COL4A4: variants seen among roughly 807,000 people sequenced by gnomAD.
COL4A4 encodes collagen alpha-4(IV) chain.
COL4A4 carries 105 observed loss-of-function variants against 192.9 expected under a neutral mutation model. The observed-to-expected ratio is 0.54, with a 90% CI of 0.46 to 0.64. The LOEUF (loss-of-function observed/expected upper bound fraction) is 0.64, where lower values mean the gene tolerates loss of function less well. Ranked by LOEUF, COL4A4 falls within the 30% of genes least tolerant of loss-of-function variation. The probability of loss-of-function intolerance (pLI) is 0.00; values close to 1 mark genes in which losing one functional copy is unlikely to be tolerated. For synonymous variants in COL4A4, 762 were observed against 769.9 expected, an observed-to-expected ratio of 0.99 and a Z score of 0.17; for missense variants, 1,967 against 2,169.3, an observed-to-expected ratio of 0.91 and a Z score of 1.85.
chr2:227,008,372 C>T (rs1428539988), intron 46 of COL4A4, 68 bp from the exon 47 acceptor site: 12 of 1,544,526 alleles, frequency 7.8e-6, no homozygotes, highest in Non-Finnish European at 7.1e-6. Context: ...ACCCTTCCTT[C>T]CTCCATCTGG....
Position 227,119,093 on chromosome 2 carries a change from G to A in COL4A4, c.373-332C>T, listed in dbSNP as rs79998223. On this transcript the variant is annotated intron_variant, in intron 6 of 47. Transcript: ENST00000396625. ...CCATTCCATTTTCATATGAGAAATG[G>A]GAGTATTAAGCTCACTACAAATATT... is the stretch of plus-strand genomic sequence containing the variant. Among the ~76,000 whole-genome samples the A allele has an allele frequency of 0.035, 5,269 of 151,090 alleles. 291 individuals are homozygous for A. Among genetic ancestry groups the A allele is most frequent in the African/African-American group, 0.12 (4,912 of 41,240 alleles).
chr2:227,101,895 G>C lies in COL4A4; in HGVS notation c.945C>G (p.Ser315=). ...ATCCTGGAAAACCTGGAGATCCATA[G>C]GAACCAGGATCCCCCTAATAAATTC... is the stretch of plus-strand genomic sequence containing the variant. The part of the protein sequence containing the change: ...GFPGPRGDPG[S]YGSPGFPGLK... Residue 315 remains serine, a synonymous_variant, in exon 16 of 48, where the codon TCC becomes TCG. Transcript: ENST00000396625. 1 of 1,597,482 alleles carries C rather than the reference G, an allele frequency of 6.3e-7. No homozygotes were observed. The highest frequency in any genetic ancestry group is 2.2e-5 in the East Asian group (1 of 44,688).
chr2:227,098,535 G>A (rs1165096395), intron 19 of COL4A4, among the ~76,000 whole-genome samples, 159 bp downstream of exon 19: 1 of 152,188 alleles, frequency 6.6e-6, no homozygotes, highest in Non-Finnish European at 1.5e-5. Context: ...CATCTCCCAA[G>A]AGTCTAACAT....
intron 29 of COL4A4, among the ~76,000 whole-genome samples, chr2:227,056,727 G>A (rs1975452341): frequency 6.6e-6 from 1 of 152,180 alleles, no homozygotes; most frequent in South Asian, 2.1e-4. Context: ...AGTATTAAAA[G>A]GTGAACACTT....
chr2:227,041,852 A>G (rs796299746), intron 37 of COL4A4, among the ~76,000 whole-genome samples: 1,060 of 70,966 alleles, frequency 0.015, 12 homozygotes, highest in African/African-American at 0.027. Flanking sequence ...AAGAAAGAGA[A>G]AGAAAGAAAG....
downstream of COL4A4, among the ~76,000 whole-genome samples, chr2:227,001,601 G>A (rs1960974442): frequency 6.6e-6 from 1 of 152,136 alleles, no homozygotes; most frequent in African/African-American, 2.4e-5. Context: ...AGGTAATGGA[G>A]TAAAGGATAA....
the COL4A4 span, among the ~76,000 whole-genome samples, chr2:226,975,639 A>G: frequency 2.6e-5 from 4 of 152,188 alleles, no homozygotes; most frequent in South Asian, 2.1e-4. Context: ...CTATTGTCCA[A>G]TGCAGGGAAA....
At chr2:226,982,363 T>A in the COL4A4 span, among the ~76,000 whole-genome samples, 3 of 152,240 alleles carry the variant, frequency 2.0e-5, no homozygotes, top group Non-Finnish European at 4.4e-5. Flanking sequence ...AGGGACAATA[T>A]CCTAGGTCAG....
the COL4A4 span, chr2:226,995,809 C>A: frequency 2.4e-6 from 1 of 412,140 alleles, no homozygotes; most frequent in Non-Finnish European, 4.3e-6. Context: ...TCAGCGATGC[C>A]TCTGCCTCGG....
intron 37 of COL4A4, among the ~76,000 whole-genome samples, chr2:227,040,280 C>T (rs950427325): frequency 6.6e-6 from 1 of 152,106 alleles, no homozygotes; most frequent in Non-Finnish European, 1.5e-5. Flanking sequence ...ATAGAGGAAA[C>T]CTGGTTACAA....
chr2:227,072,654 C>T (rs1174920741), intron 25 of COL4A4, among the ~76,000 whole-genome samples: 1 of 151,750 alleles, frequency 6.6e-6, no homozygotes, highest in Non-Finnish European at 1.5e-5. Flanking sequence ...CAAAAATCCT[C>T]AACAAAATAC....
chr2:227,001,193 G>C (rs929890801), downstream of COL4A4, among the ~76,000 whole-genome samples: 2 of 151,534 alleles, frequency 1.3e-5, no homozygotes, highest in Non-Finnish European at 2.9e-5. Flanking sequence ...CTCCCAGGTT[G>C]ATGCCATTCT....
In COL4A4 at chr2:227,118,653, C is replaced by G. The variant is rs755961411; in HGVS notation, c.481G>C (p.Gly161Arg). The change falls in exon 7 of 48, where the codon GGC becomes CGC. Residue 161 changes from glycine (G) to arginine (R), a missense_variant. Physicochemically the swap from Gly to Arg is moderately radical, Grantham distance 125 (BLOSUM62 -2). Transcript: ENST00000396625. ...PGGRGALGPG[G>R]PLGHPGEKGE... is the part of the protein sequence containing the mutation. ...AACTGTGGGTATCTTACTAGGGGGC[C>G]TCCTGGGCCAAGAGCTCCTCTTCCT... is the stretch of plus-strand genomic sequence containing the variant. The G allele has an allele frequency of 3.2e-5, 51 of 1,612,940 alleles. No individual in the cohort carries two copies. Among genetic ancestry groups the G allele is most frequent in the Non-Finnish European group, 3.7e-5 (44 of 1,179,118 alleles).
In COL4A4 at chr2:227,059,757, A is replaced by G. The variant is rs936218962; in HGVS notation, c.2165-134T>C. ...TTACTAAAATTAAGAGCAGTTTAAC[A>G]GTAATGTTGTTTTGCCACCTTTTGT... is the stretch of plus-strand genomic sequence containing the variant. On this transcript the variant is annotated intron_variant, in intron 27 of 47. Coordinates refer to ENST00000396625, the MANE Select transcript of COL4A4 (RefSeq NM_000092.5). The G allele has an allele frequency of 1.6e-5, 12 of 753,280 alleles. No individual in the cohort carries two copies. The Admixed American group carries it at 2.9e-4, about 18-fold the overall frequency. The allele number at this position is 753,280 out of a possible 1,614,324, so 46.7% of individuals were successfully genotyped here.
At chr2:226,972,975 A>G in the COL4A4 span, among the ~76,000 whole-genome samples, 13 of 150,594 alleles carry the variant, frequency 8.6e-5, no homozygotes, top group African/African-American at 1.5e-4. Context: ...CCCCACTGCT[A>G]TATGATTTTC....
chr2:227,113,086 AT>A, intron 8 of COL4A4, among the ~76,000 whole-genome samples: 1 of 152,306 alleles, frequency 6.6e-6, no homozygotes, highest in South Asian at 2.1e-4. Context: ...CAGAAGTGGA[AT>A]TGCTGGATCA....
In COL4A4 at chr2:227,107,192, A is replaced by T. The variant is rs189916710; in HGVS notation, c.735+1389T>A. ...GAGATCTCAAGGTTGGGGGAAGGGG[A>T]AAGTAGTTAGGCAACCCCTTCCCAC... is the stretch of plus-strand genomic sequence containing the variant. On this transcript the variant is annotated intron_variant, in intron 12 of 47. Transcript: ENST00000396625. 1.4e-3 allele frequency among the ~76,000 whole-genome samples: 210 copies of T among 152,296 alleles called. 4 individuals carry two copies. The East Asian group carries it at 0.028, about 20-fold the overall frequency.
At chr2:226,967,654 G>A in the COL4A4 span, among the ~76,000 whole-genome samples, 3 of 151,614 alleles carry the variant, frequency 2.0e-5, no homozygotes, top group Admixed American at 2.0e-4. Flanking sequence ...AGTCATTGTT[G>A]TAGTAATTTT....
At chr2:226,968,529 C>T in the COL4A4 span, among the ~76,000 whole-genome samples, 138 of 152,328 alleles carry the variant, frequency 9.1e-4, 1 homozygote, top group African/African-American at 3.2e-3. Flanking sequence ...ACTTTAATCA[C>T]ATCTACCAGA....
Sources: allele counts gnomAD v4.1 joint callset (sites outside exome capture counted in the v4.1 genomes callset), GRCh38; gene constraint gnomAD v4.1.1; transcripts MANE v1.5; gene names NCBI Gene and HGNC (gene_info 2026-07-23, HGNC 2026-07-21).